Variants in GPHN observed in about 807,000 individuals in gnomAD.
GPHN encodes the protein gephyrin.
Under a neutral mutation model 95.5 loss-of-function variants are expected in GPHN, and 17 were observed. The ratio of observed to expected loss-of-function variants is 0.18; its 90% CI spans 0.12 to 0.27. The LOEUF is 0.27. Ranked by LOEUF, GPHN falls within the 10% of genes least tolerant of loss-of-function variation. GPHN has a pLI of 1.00. For synonymous variants in GPHN, 320 were observed against 322.5 expected (o/e 0.99, Z 0.08); for missense variants, 660 against 978.1 (o/e 0.67, Z 4.34).
At chr14:66,848,587 T>C (rs2062438990) in intron 4 of GPHN, among the ~76,000 whole-genome samples, 1 of 152,056 alleles carries the variant, frequency 6.6e-6, no homozygotes, top group South Asian at 2.1e-4. Context: ...GCACACCATT[T>C]TGCATATGAT....
the GPHN span, among the ~76,000 whole-genome samples, chr14:67,272,882 T>A: frequency 2.6e-5 from 4 of 152,180 alleles, no homozygotes; most frequent in African/African-American, 9.7e-5. Context: ...TTGCCCAGGC[T>A]GGTCTCAAAC....
chr14:67,712,493 C>CAAAAAAAAAAAAAAAAAAAA, the GPHN span, among the ~76,000 whole-genome samples: 2 of 38,930 alleles, frequency 5.1e-5, no homozygotes, highest in East Asian at 9.0e-4. Context: ...AAAAAACTTG[C>CAAAAAAAAAAAAAAAAAAAA]AAAAAAAAAA....
the GPHN span, among the ~76,000 whole-genome samples, chr14:67,313,646 G>A: frequency 2.0e-5 from 3 of 152,014 alleles, no homozygotes; most frequent in Admixed American, 6.6e-5. Context: ...TAGAGTAAAG[G>A]GATAATAATT....
chr14:67,574,448 A>G, the GPHN span: 5 of 1,417,018 alleles, frequency 3.5e-6, no homozygotes, highest in African/African-American at 7.2e-5. The surrounding 1 kb of genome is among the most constrained non-coding windows in gnomAD (Gnocchi z 4.2). Flanking sequence ...CCTCCTGCGA[A>G]TCAGGGGAGC....
intron 1 of GPHN, among the ~76,000 whole-genome samples, chr14:66,661,283 G>A (rs1486622117): frequency 6.6e-6 from 1 of 152,190 alleles, no homozygotes; most frequent in Non-Finnish European, 1.5e-5. Flanking sequence ...GGCGGGAGGG[G>A]CAGACTACCA....
the GPHN span, among the ~76,000 whole-genome samples, chr14:67,658,245 C>G: frequency 2.0e-5 from 3 of 152,156 alleles, no homozygotes; most frequent in African/African-American, 7.2e-5. Context: ...GAACTTCAGA[C>G]AGATTTGGAA....
chr14:66,873,575 G>C (rs113500233), intron 4 of GPHN, among the ~76,000 whole-genome samples: 79 of 152,220 alleles, frequency 5.2e-4, no homozygotes, highest in African/African-American at 1.6e-3. Flanking sequence ...AGCTTGGTGT[G>C]GGGAGGGGGC....
At chr14:67,431,078 G>A in the GPHN span, among the ~76,000 whole-genome samples, 23 of 152,168 alleles carry the variant, frequency 1.5e-4, no homozygotes, top group Admixed American at 8.5e-4. Context: ...CACCAAATCT[G>A]GGCTAACAAG....
chr14:66,692,701 A>G (rs374628214), intron 2 of GPHN, among the ~76,000 whole-genome samples: 1 of 152,152 alleles, frequency 6.6e-6, no homozygotes, highest in South Asian at 2.1e-4. Flanking sequence ...TTTGGTCTCT[A>G]TGAGCATTAA....
the GPHN span, chr14:67,397,952 C>A: frequency 1.4e-6 from 1 of 708,614 alleles, no homozygotes; most frequent in East Asian, 2.9e-5. Flanking sequence ...AGGAAGACAG[C>A]AGGATTTGTG....
intron 2 of GPHN, among the ~76,000 whole-genome samples, chr14:66,774,111 TC>T (rs918049787): frequency 6.9e-6 from 1 of 145,226 alleles, no homozygotes; most frequent in Non-Finnish European, 1.5e-5. Flanking sequence ...CATGCCATTC[TC>T]CTGCCTCAGC....
intron 8 of GPHN, among the ~76,000 whole-genome samples, chr14:66,929,054 C>CTTTTTTTTTTTTTTTTTTTTTTTT (rs147521541): frequency 8.1e-6 from 1 of 122,788 alleles, no homozygotes; most frequent in Non-Finnish European, 1.8e-5. Context: ...TCCAATGTTT[C>CTTTTTTTTTTTTTTTTTTTTTTTT]TTTTTTTTTT....
chr14:67,549,142 A>C, the GPHN span, among the ~76,000 whole-genome samples: 1 of 152,194 alleles, frequency 6.6e-6, no homozygotes, highest in Non-Finnish European at 1.5e-5. Context: ...AGTTTGCATA[A>C]AATCATCATG....
At chr14:67,711,900 A>G in the GPHN span, among the ~76,000 whole-genome samples, 2 of 152,126 alleles carry the variant, frequency 1.3e-5, no homozygotes. Flanking sequence ...TAAGGAGACA[A>G]ATTTTATTTA....
chr14:66,742,200 G>A (rs2072852326), intron 2 of GPHN, among the ~76,000 whole-genome samples: 2 of 152,150 alleles, frequency 1.3e-5, no homozygotes, highest in South Asian at 4.1e-4. Context: ...ACAGTTTTGA[G>A]TCTCATTGTT....
the GPHN span, chr14:67,316,882 G>A: frequency 1.9e-6 from 3 of 1,611,946 alleles, no homozygotes; most frequent in Non-Finnish European, 2.5e-6. Context: ...CATAGAAGAA[G>A]ATAAGGAGCC....
At chr14:67,691,269 T>C in the GPHN span, 2 of 1,551,728 alleles carry the variant, frequency 1.3e-6, no homozygotes, top group Middle Eastern at 1.7e-4. Flanking sequence ...CGATGGAGCG[T>C]GGAAGTGGCT....
At chr14:67,473,098 G>C in the GPHN span, 887 of 343,668 alleles carry the variant, frequency 2.6e-3, 1 homozygote, top group Non-Finnish European at 4.3e-3. The surrounding 1 kb of genome is among the most constrained non-coding windows in gnomAD (Gnocchi z 6.5). Flanking sequence ...CCTTGGCCAG[G>C]ACAGGGCCTG....
chr14:67,340,525 T>TA, the GPHN span: 5,197 of 1,427,788 alleles, frequency 3.6e-3, no homozygotes, highest in East Asian at 8.7e-3. Flanking sequence ...ATGACTAGAA[T>TA]AAAAAAAAAA....
Sources: gnomAD v4.1 joint callset for allele counts (sites outside exome capture counted in the v4.1 genomes callset) on GRCh38, gnomAD v4.1.1 for gene constraint, Gnocchi (gnomAD v3.1) non-coding constraint, MANE v1.5 for transcripts, NCBI Gene and HGNC (gene_info 2026-07-23, HGNC 2026-07-21) for gene names.